The following SMYD3 variants were observed in gnomAD, a reference collection of about 807,000 sequenced individuals.
The protein encoded by SMYD3 is histone-lysine N-methyltransferase SMYD3.
A neutral mutation model predicts 57.7 loss-of-function variants in SMYD3; 36 were observed. That is an observed-to-expected ratio of 0.62 (90% CI 0.48 to 0.82). The LOEUF (loss-of-function observed/expected upper bound fraction) is 0.82, where lower values mean the gene tolerates loss of function less well. Among genes scored for constraint, SMYD3 ranks in the 40% least tolerant of loss-of-function variants. The pLI, the probability that SMYD3 is intolerant of heterozygous loss-of-function variation, is 0.00. For synonymous variants in SMYD3, 211 were observed against 195.0 expected (o/e 1.08, Z -0.68); for missense variants, 515 against 538.8 (o/e 0.96, Z 0.44).
At chr1:246,352,026 C>T (rs1428073402) in intron 2 of SMYD3, among the ~76,000 whole-genome samples, 1 of 150,274 alleles carries the variant, frequency 6.7e-6, no homozygotes, top group Non-Finnish European at 1.5e-5. Flanking sequence ...GTCCCAACTA[C>T]CTGGGGAGGC....
At chr1:246,329,911 C>G (rs2065430444) in intron 4 of SMYD3, among the ~76,000 whole-genome samples, 1 of 152,174 alleles carries the variant, frequency 6.6e-6, no homozygotes, top group South Asian at 2.1e-4. Context: ...CGAAAAGGAT[C>G]TGCGCCAATA....
At position 246,234,822 on chromosome 1, in the gene SMYD3, G is replaced by A. The variant is rs147532893; in HGVS notation, c.531+92379C>T. Among the ~76,000 whole-genome samples the A allele has an allele frequency of 1.6e-3, 251 of 152,164 alleles. 1 individual carries two copies. The highest frequency in any genetic ancestry group is 5.6e-3 in the African/African-American group (233 of 41,508). Reference sequence around the variant, plus strand: ...AGAAACCTCTTTGACTACACAATTTGGAACTAGAATTATATATTATATTTA... The same window carrying A: ...AGAAACCTCTTTGACTACACAATTTAGAACTAGAATTATATATTATATTTA... On this transcript the variant is annotated intron_variant, in intron 5 of 11. Transcript: ENST00000490107.
intron 10 of SMYD3, among the ~76,000 whole-genome samples, chr1:245,828,707 T>C (rs998642836): frequency 5.1e-4 from 28 of 54,518 alleles, no homozygotes; most frequent in Non-Finnish European, 1.4e-3. Flanking sequence ...TCAGTTTTTC[T>C]GATTTTTTTT....
chr1:245,777,425 C>T (rs2046652033), intron 10 of SMYD3, among the ~76,000 whole-genome samples: 1 of 152,070 alleles, frequency 6.6e-6, no homozygotes. Context: ...TTAAAAATAA[C>T]TATATTTTAA....
At chr1:246,339,883 C>G (rs1004295053) in intron 2 of SMYD3, among the ~76,000 whole-genome samples, 3 of 152,194 alleles carry the variant, frequency 2.0e-5, no homozygotes, top group African/African-American at 7.2e-5. Context: ...TAGGATGCAG[C>G]AAGAAGGCCC....
chr1:246,185,449 CTTTTTTTT>C lies in SMYD3; in HGVS notation c.531+141744_531+141751del, dbSNP rs1183038960. ...ACAGGGTTTTGCCATGTTAGTGATT[CTTTTTTTT>C]TTTTTTTTTTTTTTTGAGACGGAGT... On this transcript the variant is annotated intron_variant, in intron 5 of 11. Transcript: ENST00000490107. Among the ~76,000 whole-genome samples, 8 of 80,062 alleles carry C rather than the reference CTTTTTTTT, an allele frequency of 1.0e-4. No homozygotes were observed. The South Asian group carries it at 2.8e-3, about 28-fold the overall frequency. 52.5% of individuals were successfully genotyped at this position (80,062 alleles called of 152,430 possible).
intron 5 of SMYD3, among the ~76,000 whole-genome samples, chr1:246,159,143 A>G (rs1430107342): frequency 1.3e-5 from 2 of 152,190 alleles, no homozygotes; most frequent in Admixed American, 1.3e-4. Flanking sequence ...AGGTTTTTCT[A>G]AAGTGCTGGG....
chr1:246,322,484 ATCTTC>A (rs2065266848), intron 5 of SMYD3: 2 of 152,136 alleles, frequency 1.3e-5, no homozygotes, highest in South Asian at 4.1e-4. Context: ...GGAGACATAC[ATCTTC>A]TCTTCTCTAA....
intron 9 of SMYD3, among the ~76,000 whole-genome samples, chr1:245,861,865 G>T (rs918477231): frequency 2.0e-5 from 2 of 97,718 alleles, no homozygotes; most frequent in Non-Finnish European, 6.3e-5. Context: ...TGAGTGCAGG[G>T]CTGTGTCTTC....
chr1:246,272,912 A>C (rs939960565), intron 5 of SMYD3, among the ~76,000 whole-genome samples: 15 of 152,166 alleles, frequency 9.9e-5, no homozygotes, highest in Admixed American at 2.0e-4. Flanking sequence ...AAGCCCTCCA[A>C]GTCAGCTTTT....
rs1204746576 is a variant in SMYD3, at chr1:246,123,596, AC to A, written c.532-193660del. Among the ~76,000 whole-genome samples the A allele has an allele frequency of 1.8e-3, 273 of 151,312 alleles. 2 individuals are homozygous for A. The highest frequency in any genetic ancestry group is 6.3e-3 in the African/African-American group (260 of 41,230). On this transcript the variant is annotated intron_variant, in intron 5 of 11. Transcript: ENST00000490107. ...AACACACACACACACACACACACAC[AC>A]ACACACACACACACACACACACAAA... is the stretch of plus-strand genomic sequence containing the variant.
At chr1:245,876,400 C>T (rs1384420650) in intron 8 of SMYD3, among the ~76,000 whole-genome samples, 1 of 152,236 alleles carries the variant, frequency 6.6e-6, no homozygotes, top group East Asian at 1.9e-4. Flanking sequence ...GATTCCAATG[C>T]ACAGTCTGGG....
chr1:246,051,032 T>C (rs2060057305), intron 5 of SMYD3, among the ~76,000 whole-genome samples: 1 of 151,706 alleles, frequency 6.6e-6, no homozygotes, highest in Non-Finnish European at 1.5e-5. Context: ...ATTCAGAAAA[T>C]ATGAAATTAC....
chr1:245,920,812 A>G lies in SMYD3; in HGVS notation c.703-5172T>C, dbSNP rs138629607. Among the ~76,000 whole-genome samples the G allele has an allele frequency of 1.4e-3, 209 of 152,366 alleles. 3 individuals are homozygous for G. The highest frequency in any genetic ancestry group is 4.8e-3 in the African/African-American group (198 of 41,584). On this transcript the variant is annotated intron_variant, in intron 7 of 11. Coordinates refer to ENST00000490107, the MANE Select transcript of SMYD3 (RefSeq NM_001167740.2). Reference sequence around the variant, plus strand: ...ATTAATACAAAGATTAAAAATTTAAATGTAAGACCACAGACTTTATGCACC... The same window carrying G: ...ATTAATACAAAGATTAAAAATTTAAGTGTAAGACCACAGACTTTATGCACC...
chr1:246,203,860 C>G lies in SMYD3; in HGVS notation c.531+123341G>C, dbSNP rs576397561. Among the ~76,000 whole-genome samples the G allele has an allele frequency of 7.4e-4, 112 of 152,308 alleles. No individual in the cohort carries two copies. Among genetic ancestry groups the G allele is most frequent in the Admixed American group, 2.0e-3 (31 of 15,298 alleles). ...TATTTAATGCACCAACAACCCACTC[C>G]TAGTCCAGATCTTCCCCCTGTCCTA... On this transcript the variant is annotated intron_variant, in intron 5 of 11. Transcript: ENST00000490107. The surrounding 1 kb of genome is among the most constrained non-coding windows in gnomAD (Gnocchi z 4.6).
chr1:246,304,457 C>T lies in SMYD3; in HGVS notation c.531+22744G>A, dbSNP rs550160889. 2.1e-3 allele frequency among the ~76,000 whole-genome samples: 313 copies of T among 152,196 alleles called. 1 individual carries two copies. Among genetic ancestry groups the T allele is most frequent in the African/African-American group, 7.2e-3 (300 of 41,528 alleles). On this transcript the variant is annotated intron_variant, in intron 5 of 11. Coordinates refer to ENST00000490107, the MANE Select transcript of SMYD3 (RefSeq NM_001167740.2). ...ATATGCCATAAAAGTACATATTTCT[C>T]TGAACATTAGTAAATGACCAGCAAC...
chr1:245,759,231 CA>C (rs1387101914), intron 11 of SMYD3, among the ~76,000 whole-genome samples: 2 of 152,174 alleles, frequency 1.3e-5, no homozygotes, highest in Admixed American at 6.5e-5. Context: ...ATATTAGAGC[CA>C]GGGGCTTCCA....
chr1:246,431,630 G>A (rs2067297790), intron 1 of SMYD3, among the ~76,000 whole-genome samples: 1 of 152,200 alleles, frequency 6.6e-6, no homozygotes, highest in Non-Finnish European at 1.5e-5. Flanking sequence ...CTCGGGGGAG[G>A]CTGAGGCAGC....
intron 8 of SMYD3, among the ~76,000 whole-genome samples, chr1:245,892,977 T>C (rs1398268163): frequency 2.0e-5 from 3 of 152,184 alleles, no homozygotes; most frequent in Non-Finnish European, 4.4e-5. Flanking sequence ...ATAAAACATA[T>C]GTCCAACAAA....
Sources: gnomAD v4.1 joint callset for allele counts (sites outside exome capture counted in the v4.1 genomes callset) on GRCh38, gnomAD v4.1.1 for gene constraint, Gnocchi (gnomAD v3.1) non-coding constraint, MANE v1.5 for transcripts, NCBI Gene and HGNC (gene_info 2026-07-23, HGNC 2026-07-21) for gene names.